Variants in MFN1 observed in about 807,000 individuals in gnomAD.
MFN1 encodes the protein mitofusin 1, also known as mitofusin-1.
Under a neutral mutation model 92.4 loss-of-function variants are expected in MFN1, and 65 were observed. The observed-to-expected ratio is 0.70, with a 90% CI of 0.58 to 0.86. The LOEUF (loss-of-function observed/expected upper bound fraction) is 0.86. Ranked by LOEUF, MFN1 falls within the 40% of genes least tolerant of loss-of-function variation. MFN1 has a pLI of 0.00. For synonymous variants in MFN1, 297 were observed against 300.9 expected (o/e 0.99, Z 0.13); for missense variants, 781 against 868.0 (o/e 0.90, Z 1.26).
chr3:179,349,512 CTTTTT>C (rs113885380), intron 2 of MFN1, among the ~76,000 whole-genome samples: 5 of 143,304 alleles, frequency 3.5e-5, no homozygotes, highest in Non-Finnish European at 7.6e-5. Context: ...GGGAATACTT[CTTTTT>C]TTTTTTTTTG....
chr3:179,383,552 G>C (rs1339075909), intron 14 of MFN1, among the ~76,000 whole-genome samples: 1 of 152,078 alleles, frequency 6.6e-6, no homozygotes, highest in Non-Finnish European at 1.5e-5. Flanking sequence ...TTGGCAATGC[G>C]GGCTCTTTTT....
At position 179,377,160 on chromosome 3, in the gene MFN1, G is replaced by C. The variant is rs1266748070; in HGVS notation, c.1216G>C (p.Ala406Pro). 3.1e-6 allele frequency: 5 copies of C among 1,613,020 alleles called. No individual in the cohort carries two copies. In the African/African-American group the frequency reaches 6.7e-5, roughly 22 times the overall value. ...KKIKEVTEEV[A>P]NKVSCAMTDE... ...AATCAAGGAGGTTACCGAGGAGGTG[G>C]CAAACAAAGTGGGTAACAGTAGCTT... Residue 406 changes from alanine (A) to proline (P), a missense_variant, in exon 11 of 18, where the codon GCA becomes CCA. Ala to Pro is a conservative substitution (Grantham distance 27). Coordinates refer to ENST00000471841, the MANE Select transcript of MFN1 (RefSeq NM_033540.3).
intron 5 of MFN1, among the ~76,000 whole-genome samples, chr3:179,363,114 A>T (rs1348387886): frequency 6.6e-6 from 1 of 152,082 alleles, no homozygotes; most frequent in Non-Finnish European, 1.5e-5. Context: ...ATTTTTATTT[A>T]TTTTTTTGAG....
At chr3:179,372,652 A>G (rs1297675727) in intron 9 of MFN1, among the ~76,000 whole-genome samples, 1 of 152,168 alleles carries the variant, frequency 6.6e-6, no homozygotes, top group African/African-American at 2.4e-5. Flanking sequence ...TCATCATTAT[A>G]TATTTTTGAA....
Position 179,386,413 on chromosome 3 carries a change from G to T in MFN1, c.1816-20G>T. On this transcript the variant is annotated intron_variant, in intron 15 of 17. Transcript: ENST00000471841. ...GTGGTGTTTTTCCTTCTCAGACTAA[G>T]CTATGACTTTATCTTACAGATTTGG... 6.2e-7 allele frequency: 1 copy of T among 1,601,260 alleles called. No individual in the cohort carries two copies. The highest frequency in any genetic ancestry group is 8.5e-7 in the Non-Finnish European group (1 of 1,173,098).
At chr3:179,353,861 G>C (rs1712249385) in intron 3 of MFN1, among the ~76,000 whole-genome samples, 1 of 152,100 alleles carries the variant, frequency 6.6e-6, no homozygotes, top group African/African-American at 2.4e-5. Context: ...ACCTTTCCTT[G>C]TTGTAGCTAC....
chr3:179,368,199 C>G, intron 9 of MFN1, 96 bp downstream of exon 9: 1 of 964,442 alleles, frequency 1.0e-6, no homozygotes. Context: ...TTGTCAATAA[C>G]TTTTGCTGTT....
At chr3:179,350,706 C>G (rs1486038688) in intron 2 of MFN1, among the ~76,000 whole-genome samples, 3 of 152,090 alleles carry the variant, frequency 2.0e-5, no homozygotes, top group Non-Finnish European at 2.9e-5. Context: ...CCAGTCTGTC[C>G]GTTATTCACC....
intron 2 of MFN1, among the ~76,000 whole-genome samples, chr3:179,351,035 C>T (rs1712126065): frequency 6.6e-6 from 1 of 152,114 alleles, no homozygotes; most frequent in African/African-American, 2.4e-5. Context: ...GAACTCCTGA[C>T]CTCAAGGGAT....
At chr3:179,386,398 T>C (rs1392836410) in intron 15 of MFN1, 35 bp from the exon 16 acceptor site, 11 of 1,567,458 alleles carry the variant, frequency 7.0e-6, no homozygotes, top group Non-Finnish European at 7.8e-6. Context: ...GTGGTGTTTT[T>C]CCTTCTCAGA....
Position 179,361,262 on chromosome 3 carries a change from T to C in MFN1, c.412-1096T>C, listed in dbSNP as rs1339829677. Among the ~76,000 whole-genome samples the C allele has an allele frequency of 4.6e-5, 7 of 152,284 alleles. No homozygotes were observed. The East Asian group carries it at 9.6e-4, about 21-fold the overall frequency. On this transcript the variant is annotated intron_variant, in intron 4 of 17. Transcript: ENST00000471841. ...ATGCTGTTATTTTAAAGAAATCATC[T>C]CTCATTTTCCTGATCCATGCTCTTC...
intron 4 of MFN1, among the ~76,000 whole-genome samples, 155 bp downstream of exon 4, chr3:179,359,157 G>C (rs1479887436): frequency 6.6e-6 from 1 of 151,202 alleles, no homozygotes; most frequent in African/African-American, 2.4e-5. Flanking sequence ...TTTCGCTCTT[G>C]TCGCCCAGGC....
At chr3:179,366,367 T>C (rs1428928217) in intron 7 of MFN1, among the ~76,000 whole-genome samples, 2 of 151,054 alleles carry the variant, frequency 1.3e-5, no homozygotes, top group Admixed American at 6.7e-5. Flanking sequence ...TTGAGTTTCA[T>C]AAGATTTGCA....
At position 179,394,729 on chromosome 3, in the gene MFN1, A is replaced by C. The variant is rs1714036882; in HGVS notation, c.*2670A>C. On this transcript the variant is annotated 3_prime_UTR_variant, in exon 18 of 18. Coordinates refer to ENST00000471841, the MANE Select transcript of MFN1 (RefSeq NM_033540.3). ...CGCGCCCGGCCGAAAGCCAACTCTT[A>C]TGCCTAGAAATATGTGCACCTATGA... 2 of 152,142 alleles carry C rather than the reference A, an allele frequency of 1.3e-5. No homozygotes were observed. The highest frequency in any genetic ancestry group is 2.4e-5 in the African/African-American group (1 of 41,372). 9.4% of individuals were successfully genotyped at this position (152,142 alleles called of 1,614,324 possible).
At chr3:179,388,137 C>T (rs1713763518) in intron 16 of MFN1, among the ~76,000 whole-genome samples, 1 of 152,112 alleles carries the variant, frequency 6.6e-6, no homozygotes, top group East Asian at 1.9e-4. Flanking sequence ...GATCCACCTG[C>T]CTTGGCCTCC....
rs141316282 is a variant in MFN1, at chr3:179,378,630, A to T, written c.1478A>T (p.His493Leu). The change falls in exon 14 of 18, where the codon CAT becomes CTT. Residue 493 changes from histidine to leucine, a missense_variant. Coordinates refer to ENST00000471841, the MANE Select transcript of MFN1 (RefSeq NM_033540.3). ...CCAGCTGGTATACAGGATAAACTAC[A>T]TACACTGATCCCTTGCAAGAAATTT... ...LLPAGIQDKLHTLIPCKKFDL... is the reference protein window; with the variant it reads ...LLPAGIQDKLLTLIPCKKFDL... 1.2e-6 allele frequency: 2 copies of T among 1,613,598 alleles called. No individual in the cohort carries two copies. The highest frequency in any genetic ancestry group is 1.1e-5 in the South Asian group (1 of 90,968).
Position 179,364,371 on chromosome 3 carries a change from T to C in MFN1, c.611T>C (p.Leu204Ser). The C allele has an allele frequency of 6.2e-7, 1 of 1,613,712 alleles. No homozygotes were observed. The highest frequency in any genetic ancestry group is 8.5e-7 in the Non-Finnish European group (1 of 1,179,682). ...TGCCTAGATGCTGATGTCTTTGTTT[T>C]GGTCGCAAACTCTGAATCAACACTA... ...KFCLDADVFV[L>S]VANSESTLMN... Residue 204 changes from leucine (L) to serine (S), a missense_variant, in exon 6 of 18, where the codon TTG becomes TCG. Coordinates refer to ENST00000471841, the MANE Select transcript of MFN1 (RefSeq NM_033540.3).
intron 3 of MFN1, among the ~76,000 whole-genome samples, chr3:179,357,042 A>C (rs1712371501): frequency 6.6e-6 from 1 of 152,128 alleles, no homozygotes; most frequent in Non-Finnish European, 1.5e-5. Context: ...AAGTCATGGG[A>C]CAGGGAGATA....
At chr3:179,353,088 T>G (rs2108524062) in intron 3 of MFN1, among the ~76,000 whole-genome samples, 1 of 124,084 alleles carries the variant, frequency 8.1e-6, no homozygotes, top group East Asian at 2.5e-4. Flanking sequence ...AGAGTCTCAG[T>G]CCGTTGCCAG....
Sources: gnomAD v4.1 joint callset for allele counts (sites outside exome capture counted in the v4.1 genomes callset) on GRCh38, gnomAD v4.1.1 for gene constraint, MANE v1.5 for transcripts, NCBI Gene and HGNC (gene_info 2026-07-23, HGNC 2026-07-21) for gene names.